The following WIPF3 variants were observed in gnomAD, a reference collection of about 807,000 sequenced individuals.
WIPF3 encodes the protein WAS/WASL-interacting protein family member 3.
In WIPF3, 33 loss-of-function variants were observed where a neutral mutation model predicts 38.9. The observed-to-expected ratio is 0.85, with a 90% confidence interval of 0.64 to 1.14. The LOEUF is 1.14. Among genes scored for constraint, WIPF3 ranks in the 50% most tolerant of loss-of-function variants. The probability of loss-of-function intolerance (pLI) is 0.00; values close to 1 mark genes in which losing one functional copy is unlikely to be tolerated. For missense variants in WIPF3, 711 were observed against 652.5 expected (o/e 1.09, Z -0.98); for synonymous variants, 324 against 269.3 (o/e 1.20, Z -1.99).
At chr7:29,858,075 C>A (rs1785214643) in intron 2 of WIPF3, among the ~76,000 whole-genome samples, 1 of 152,094 alleles carries the variant, frequency 6.6e-6, no homozygotes, top group East Asian at 1.9e-4. Context: ...AGTCATATTA[C>A]ATAGCCATAT....
chr7:29,807,099 C>T (rs375442067), intron 1 of WIPF3, among the ~76,000 whole-genome samples: 97 of 152,144 alleles, frequency 6.4e-4, no homozygotes, highest in African/African-American at 2.3e-3. Context: ...GCTGGGGTCT[C>T]GCTGGGGAGG....
intron 1 of WIPF3, among the ~76,000 whole-genome samples, chr7:29,822,127 T>G (rs1463461295): frequency 6.9e-6 from 1 of 145,840 alleles, no homozygotes; most frequent in Non-Finnish European, 1.5e-5. Flanking sequence ...TTCTTAGTTT[T>G]TTTTTTTTTT....
intron 1 of WIPF3, among the ~76,000 whole-genome samples, chr7:29,816,872 G>A (rs945860411): frequency 6.6e-5 from 10 of 152,236 alleles, no homozygotes; most frequent in East Asian, 1.9e-4. Flanking sequence ...TTTCTCACAC[G>A]TGAGAAAGAT....
At position 29,857,443 on chromosome 7, in the gene WIPF3, C is replaced by T. The variant is rs181116043; in HGVS notation, c.91-18387C>T. On this transcript the variant is annotated intron_variant, in intron 2 of 8. Coordinates refer to ENST00000242140, the MANE Select transcript of WIPF3 (RefSeq NM_001080529.3). ...ACAGTGATTTTCCCGCAGAGTTTTCCTACACCCTTTCCATAGTACTTGGCT... is the reference window on the plus strand; with the variant it reads ...ACAGTGATTTTCCCGCAGAGTTTTCTTACACCCTTTCCATAGTACTTGGCT... Among the ~76,000 whole-genome samples the T allele has an allele frequency of 5.0e-4, 76 of 152,148 alleles. 1 individual carries two copies. The East Asian group carries it at 0.01, about 20-fold the overall frequency.
chr7:29,817,512 A>G (rs1317629907), intron 1 of WIPF3, among the ~76,000 whole-genome samples: 3 of 152,102 alleles, frequency 2.0e-5, no homozygotes, highest in Non-Finnish European at 4.4e-5. Flanking sequence ...TTGCAATTTA[A>G]TGTAAGGCAT....
chr7:29,888,579 G>A (rs1305956767), intron 6 of WIPF3, among the ~76,000 whole-genome samples: 1 of 151,904 alleles, frequency 6.6e-6, no homozygotes, highest in African/African-American at 2.4e-5. Flanking sequence ...AGAATGATAT[G>A]GATAAGGAGA....
At chr7:29,905,607 T>C (rs1038298998) in intron 8 of WIPF3, 1 of 152,190 alleles carries the variant, frequency 6.6e-6, no homozygotes, top group Non-Finnish European at 1.5e-5. Context: ...TGCATACAGC[T>C]TGCAGGAGCC....
At chr7:29,892,585 T>A (rs1488527388) in intron 7 of WIPF3, among the ~76,000 whole-genome samples, 1 of 151,880 alleles carries the variant, frequency 6.6e-6, no homozygotes. Context: ...ATGCAGAGAG[T>A]TTCCAGACAG....
intron 7 of WIPF3, among the ~76,000 whole-genome samples, chr7:29,890,432 A>G (rs1017699551): frequency 1.3e-4 from 20 of 151,658 alleles, no homozygotes; most frequent in Middle Eastern, 3.5e-3. Context: ...TACTGGGCCA[A>G]TCAGATTGGG....
chr7:29,887,971 T>G, intron 5 of WIPF3, 97 bp from the exon 6 acceptor site: 1 of 1,485,734 alleles, frequency 6.7e-7, no homozygotes, highest in African/African-American at 1.4e-5. Context: ...TGTATCATAT[T>G]ACATCTGAAG....
At chr7:29,890,492 C>T (rs2128077737) in intron 7 of WIPF3, among the ~76,000 whole-genome samples, 1 of 152,330 alleles carries the variant, frequency 6.6e-6, no homozygotes, top group South Asian at 2.1e-4. Context: ...CGTTCCCACC[C>T]GACACCCTAA....
intron 1 of WIPF3, among the ~76,000 whole-genome samples, chr7:29,807,942 A>G (rs1784309843): frequency 6.6e-6 from 1 of 151,772 alleles, no homozygotes; most frequent in Admixed American, 6.6e-5. Context: ...TATCACTGGG[A>G]CTCCTGCCTC....
At position 29,860,381 on chromosome 7, in the gene WIPF3, G is replaced by T. The variant is rs767982496; in HGVS notation, c.91-15449G>T. ...CCATGAGTTCGTTCTTGCTGTATTAGTTCCCTCCAAAGCTGGTTGTTAAAA... is the reference window on the plus strand; with the variant it reads ...CCATGAGTTCGTTCTTGCTGTATTATTTCCCTCCAAAGCTGGTTGTTAAAA... On this transcript the variant is annotated intron_variant, in intron 2 of 8. Transcript: ENST00000242140. Among the ~76,000 whole-genome samples the T allele has an allele frequency of 5.3e-5, 8 of 152,078 alleles. No homozygotes were observed. In the East Asian group the frequency reaches 5.8e-4, roughly 11 times the overall value.
intron 1 of WIPF3, among the ~76,000 whole-genome samples, chr7:29,834,394 T>C (rs1784766367): frequency 6.6e-6 from 1 of 152,196 alleles, no homozygotes; most frequent in Non-Finnish European, 1.5e-5. Context: ...CATATATATG[T>C]ATATTCTATT....
intron 1 of WIPF3, among the ~76,000 whole-genome samples, chr7:29,810,186 C>T (rs1336682898): frequency 2.0e-5 from 3 of 152,226 alleles, no homozygotes; most frequent in African/African-American, 7.2e-5. Flanking sequence ...GGAGCTGATT[C>T]TTCATACTCC....
intron 1 of WIPF3, among the ~76,000 whole-genome samples, chr7:29,825,799 AG>A (rs1393032034): frequency 1.2e-4 from 19 of 152,228 alleles, no homozygotes; most frequent in African/African-American, 4.3e-4. Flanking sequence ...GTTTCATATT[AG>A]ATGTGGTTAA....
At chr7:29,901,753 G>A (rs1786280144) in intron 7 of WIPF3, among the ~76,000 whole-genome samples, 1 of 146,370 alleles carries the variant, frequency 6.8e-6, no homozygotes, top group Admixed American at 7.2e-5. Flanking sequence ...TGACAGGATT[G>A]CTTGAGCCTG....
intron 7 of WIPF3, among the ~76,000 whole-genome samples, chr7:29,902,036 C>G (rs1583628450): frequency 6.6e-6 from 1 of 151,918 alleles, no homozygotes; most frequent in Non-Finnish European, 1.5e-5. Flanking sequence ...CAACTGGCAT[C>G]TAGTGCGTAG....
intron 2 of WIPF3, among the ~76,000 whole-genome samples, chr7:29,865,626 A>C (rs1306743812): frequency 6.6e-6 from 1 of 152,160 alleles, no homozygotes; most frequent in East Asian, 1.9e-4. Flanking sequence ...GAGGGATGAC[A>C]CAGTTATAGA....
Sources: allele counts gnomAD v4.1 joint callset (sites outside exome capture counted in the v4.1 genomes callset), GRCh38; gene constraint gnomAD v4.1.1; transcripts MANE v1.5; gene names NCBI Gene and HGNC (gene_info 2026-07-23, HGNC 2026-07-21).